The following COG5 variants were observed in gnomAD, a reference collection of about 807,000 sequenced individuals.
COG5 encodes the protein component of oligomeric golgi complex 5, also known as conserved oligomeric Golgi complex subunit 5.
In COG5, 86 loss-of-function variants were observed where a neutral mutation model predicts 110.4. The ratio of observed to expected loss-of-function variants is 0.78; its 90% CI spans 0.65 to 0.93. COG5 has a LOEUF of 0.93. Among genes scored for constraint, COG5 ranks in the 40% least tolerant of loss-of-function variants. COG5 has a pLI of 0.00. For missense variants in COG5, 1,077 were observed against 987.0 expected, an observed-to-expected ratio of 1.09 and a Z score of -1.22; for synonymous variants, 360 against 334.6, an observed-to-expected ratio of 1.08 and a Z score of -0.83.
rs193268799 is a variant in COG5 at position 107,376,478 on chromosome 7, T to G, written c.670-3718A>C. On this transcript the variant is annotated intron_variant, in intron 7 of 21. Coordinates refer to ENST00000297135, the MANE Select transcript of COG5 (RefSeq NM_006348.5). ...TTAATGTTTTATAGATAGTTTTCTGTGAAAAAGTCTTATATATCTTTAGTT... is the reference window on the plus strand; with the variant it reads ...TTAATGTTTTATAGATAGTTTTCTGGGAAAAAGTCTTATATATCTTTAGTT... Among the ~76,000 whole-genome samples the G allele has an allele frequency of 2.0e-3, 302 of 152,074 alleles. 2 individuals carry two copies. Among genetic ancestry groups the G allele is most frequent in the African/African-American group, 6.9e-3 (285 of 41,572 alleles).
chr7:107,478,334 C>A (rs183883367), intron 6 of COG5, among the ~76,000 whole-genome samples: 16 of 151,972 alleles, frequency 1.1e-4, no homozygotes, highest in Admixed American at 8.5e-4. Flanking sequence ...TAATTCTGTA[C>A]TTCTGACCCA....
chr7:107,266,619 T>C (rs956452784), intron 14 of COG5, among the ~76,000 whole-genome samples: 3 of 152,218 alleles, frequency 2.0e-5, no homozygotes, highest in African/African-American at 7.2e-5. Context: ...TCTTGTTTAA[T>C]AACTCGTAGG....
At chr7:107,533,203 G>C (rs1378381143) in intron 5 of COG5, among the ~76,000 whole-genome samples, 1 of 151,460 alleles carries the variant, frequency 6.6e-6, no homozygotes, top group Non-Finnish European at 1.5e-5. Flanking sequence ...AATCCACGAA[G>C]ATGAGGAAAA....
At chr7:107,416,835 A>G (rs1792883971) in intron 6 of COG5, among the ~76,000 whole-genome samples, 1 of 152,228 alleles carries the variant, frequency 6.6e-6, no homozygotes, top group Non-Finnish European at 1.5e-5. Flanking sequence ...GAAGAGTTTA[A>G]CGCAAAGATT....
chr7:107,374,639 G>A (rs1450260382), intron 7 of COG5, among the ~76,000 whole-genome samples: 6 of 151,820 alleles, frequency 4.0e-5, no homozygotes, highest in African/African-American at 1.5e-4. Flanking sequence ...GTTTGAAAAG[G>A]TTACTTCTGA....
At chr7:107,265,796 T>G (rs535525387) in intron 14 of COG5, among the ~76,000 whole-genome samples, 1 of 152,268 alleles carries the variant, frequency 6.6e-6, no homozygotes, top group Admixed American at 6.5e-5. Flanking sequence ...GGCTCACGCC[T>G]GTAATCCCAG....
At chr7:107,293,615 T>C (rs557207400) in intron 12 of COG5, among the ~76,000 whole-genome samples, 1 of 152,314 alleles carries the variant, frequency 6.6e-6, no homozygotes, top group East Asian at 1.9e-4. Context: ...CTGCTTTTAG[T>C]TGTCCTCCTA....
At chr7:107,241,271 A>G (rs1801598364) in intron 17 of COG5, among the ~76,000 whole-genome samples, 1 of 152,012 alleles carries the variant, frequency 6.6e-6, no homozygotes, top group South Asian at 2.1e-4. Flanking sequence ...ACTTCAGATC[A>G]CTTTTGAACA....
rs370181701 is a variant in COG5 at position 107,475,424 on chromosome 7, C to T, written c.538+51813G>A. The T allele has an allele frequency of 5.3e-5, 39 of 730,484 alleles. No individual in the cohort carries two copies. The East Asian group carries it at 1.0e-3, about 19-fold the overall frequency. The allele number at this position is 730,484 out of a possible 1,614,324, so 45.3% of individuals were successfully genotyped here. A position where few individuals can be genotyped will look rare whatever the true frequency, so the allele number is the denominator to read the frequency against. On this transcript the variant is annotated intron_variant, in intron 6 of 21. Coordinates refer to ENST00000297135, the MANE Select transcript of COG5 (RefSeq NM_006348.5). ...GAGTTTTAAATTTAAATTGTAAAAACTGATATTACTGCCAAATATAAGAAA... is the reference window on the plus strand; with the variant it reads ...GAGTTTTAAATTTAAATTGTAAAAATTGATATTACTGCCAAATATAAGAAA...
intron 16 of COG5, among the ~76,000 whole-genome samples, chr7:107,254,925 T>A (rs1284591826): frequency 6.6e-6 from 1 of 152,130 alleles, no homozygotes; most frequent in South Asian, 2.1e-4. Flanking sequence ...TTTTAAAAAG[T>A]AATAGACTAG....
chr7:107,557,546 T>C (rs1223328949), intron 2 of COG5, among the ~76,000 whole-genome samples: 12 of 152,262 alleles, frequency 7.9e-5, no homozygotes, highest in Admixed American at 7.9e-4. Context: ...TCTCATATTG[T>C]ATCCTACTCA....
At chr7:107,405,403 C>G (rs1446119878) in intron 7 of COG5, among the ~76,000 whole-genome samples, 1 of 152,134 alleles carries the variant, frequency 6.6e-6, no homozygotes, top group African/African-American at 2.4e-5. Flanking sequence ...GGCACTAGCT[C>G]CCAAACACAG....
chr7:107,293,621 T>A (rs1230454019), intron 12 of COG5, among the ~76,000 whole-genome samples: 1 of 152,200 alleles, frequency 6.6e-6, no homozygotes, highest in East Asian at 1.9e-4. Flanking sequence ...TTAGTTGTCC[T>A]CCTATCTCAC....
intron 7 of COG5, among the ~76,000 whole-genome samples, chr7:107,410,823 G>A (rs1004870367): frequency 1.3e-5 from 2 of 152,114 alleles, no homozygotes; most frequent in African/African-American, 2.4e-5. Flanking sequence ...AAAACAGGAA[G>A]CTACAGTCAA....
At chr7:107,380,693 G>C (rs1815041561) in intron 7 of COG5, among the ~76,000 whole-genome samples, 1 of 152,048 alleles carries the variant, frequency 6.6e-6, no homozygotes, top group Non-Finnish European at 1.5e-5. Flanking sequence ...CCAAAGCCCA[G>C]GACCAGACAA....
Position 107,392,444 on chromosome 7 carries a change from A to C in COG5, c.670-19684T>G, listed in dbSNP as rs1475597354. 9.9e-5 allele frequency among the ~76,000 whole-genome samples: 15 copies of C among 152,206 alleles called. No homozygotes were observed. The East Asian group carries it at 2.7e-3, about 27-fold the overall frequency. On this transcript the variant is annotated intron_variant, in intron 7 of 21. Transcript: ENST00000297135. ...AGTTAAGAGACAAGGAATAGACGGC[A>C]GAGTAGGGCTTCAAGTCTGATTTTA...
intron 12 of COG5, among the ~76,000 whole-genome samples, chr7:107,285,127 T>C (rs534991017): frequency 2.7e-4 from 41 of 152,294 alleles, no homozygotes; most frequent in African/African-American, 9.6e-4. Context: ...CTTTGTAAAG[T>C]GCTGGGAAGA....
intron 5 of COG5, among the ~76,000 whole-genome samples, chr7:107,538,729 C>T (rs1255441872): frequency 6.6e-6 from 1 of 150,450 alleles, no homozygotes; most frequent in Admixed American, 6.7e-5. Context: ...GCATAATATG[C>T]TCTCAGGTAT....
At chr7:107,359,142 G>A (rs1812882034) in intron 10 of COG5, among the ~76,000 whole-genome samples, 1 of 152,296 alleles carries the variant, frequency 6.6e-6, no homozygotes, top group Non-Finnish European at 1.5e-5. Flanking sequence ...TGTGGACCCA[G>A]GCATCCCTGT....
Sources: allele counts gnomAD v4.1 joint callset (sites outside exome capture counted in the v4.1 genomes callset), GRCh38; gene constraint gnomAD v4.1.1; transcripts MANE v1.5; gene names NCBI Gene and HGNC (gene_info 2026-07-23, HGNC 2026-07-21).